Variants in DOCK3 observed in about 807,000 individuals in gnomAD.
The protein encoded by DOCK3 is dedicator of cytokinesis 3.
Under a neutral mutation model 265.6 loss-of-function variants are expected in DOCK3, and 60 were observed. The observed-to-expected ratio is 0.23, with a 90% CI of 0.18 to 0.28. DOCK3 has a LOEUF of 0.28. Among genes scored for constraint, DOCK3 ranks in the 10% least tolerant of loss-of-function variants. The probability of loss-of-function intolerance (pLI) is 1.00; values close to 1 mark genes in which losing one functional copy is unlikely to be tolerated. For synonymous variants in DOCK3, 881 were observed against 938.0 expected, an observed-to-expected ratio of 0.94 and a Z score of 1.11; for missense variants, 1,981 against 2,594.3, an observed-to-expected ratio of 0.76 and a Z score of 5.14.
chr3:50,901,238 C>A lies in DOCK3; in HGVS notation c.218+11157C>A, dbSNP rs2049176334. Among the ~76,000 whole-genome samples, 5 of 152,226 alleles carry A rather than the reference C, an allele frequency of 3.3e-5. No individual in the cohort carries two copies. In the South Asian group the frequency reaches 1.0e-3, roughly 32 times the overall value. On this transcript the variant is annotated intron_variant, in intron 4 of 52. Transcript: ENST00000266037. Reference sequence around the variant, plus strand: ...TTTGCTGAACTACAGTGGGCTCCACCCAGTTTGAACTTCCTGATGGCTTTG... The same window carrying A: ...TTTGCTGAACTACAGTGGGCTCCACACAGTTTGAACTTCCTGATGGCTTTG...
intron 23 of DOCK3, among the ~76,000 whole-genome samples, chr3:51,270,224 T>A (rs1481999341): frequency 6.6e-6 from 1 of 152,220 alleles, no homozygotes; most frequent in African/African-American, 2.4e-5. Flanking sequence ...CCCATCCTCT[T>A]GAATTTACTC....
Position 51,381,002 on chromosome 3 carries a change from GC to G in DOCK3, c.5584-46del. 6.5e-7 allele frequency: 1 copy of G among 1,531,208 alleles called. No individual in the cohort carries two copies. The highest frequency in any genetic ancestry group is 8.8e-7 in the Non-Finnish European group (1 of 1,140,204). 94.9% of individuals were successfully genotyped at this position (1,531,208 alleles called of 1,614,324 possible). A position where few individuals can be genotyped will look rare whatever the true frequency, so the allele number is the denominator to read the frequency against. On this transcript the variant is annotated intron_variant, in intron 52 of 52. Coordinates refer to ENST00000266037, the MANE Select transcript of DOCK3 (RefSeq NM_004947.5). This position sits in a 1 kb window ranked among gnomAD's most constrained non-coding sequence, Gnocchi z 5.6. ...TGGTCTTCCTATGGCGGGCAAGTCA[GC>G]CTGTCTGGAGAGAGGGATTCTAACA...
intron 4 of DOCK3, among the ~76,000 whole-genome samples, chr3:50,903,004 A>G (rs1001347627): frequency 3.9e-5 from 6 of 152,168 alleles, no homozygotes; most frequent in African/African-American, 1.4e-4. Flanking sequence ...AATGCTAGTG[A>G]TTTTTGCACT....
chr3:51,125,704 C>A (rs889644316), intron 9 of DOCK3, among the ~76,000 whole-genome samples: 4 of 151,980 alleles, frequency 2.6e-5, no homozygotes, highest in African/African-American at 9.7e-5. Context: ...TGTTACATGG[C>A]AAACTATAAA....
chr3:50,897,643 G>A (rs992421528), intron 4 of DOCK3, among the ~76,000 whole-genome samples: 4 of 151,700 alleles, frequency 2.6e-5, no homozygotes, highest in African/African-American at 9.7e-5. Context: ...ATTATTTTGA[G>A]ATACGTTCAA....
Position 51,064,470 on chromosome 3 carries a change from A to G in DOCK3, c.338A>G (p.Tyr113Cys), listed in dbSNP as rs911875870. ...CAGAAACACAAAGTAGATCTTTTCT[A>G]CAAACTACGCCATGTGATGAATGAA... is the stretch of plus-strand genomic sequence containing the variant. ...LYVKHKVDLF[Y>C]KLRHVMNELI... Residue 113 changes from tyrosine (Y) to cysteine (C), a missense_variant, in exon 6 of 53, where the codon TAC (tyrosine) becomes TGC (cysteine). By Grantham distance (194) the Tyr-to-Cys change is radical (BLOSUM62 -2). Transcript: ENST00000266037. 4 of 1,613,872 alleles carry G rather than the reference A, an allele frequency of 2.5e-6. No homozygotes were observed. The highest frequency in any genetic ancestry group is 1.3e-5 in the African/African-American group (1 of 74,934).
At chr3:51,241,800 C>G (rs1228171446) in intron 21 of DOCK3, among the ~76,000 whole-genome samples, 3 of 152,182 alleles carry the variant, frequency 2.0e-5, no homozygotes, top group Non-Finnish European at 2.9e-5. Flanking sequence ...TCTATACTAA[C>G]TATTTTGTCT....
chr3:51,339,287 C>T (rs2085080693), intron 37 of DOCK3, among the ~76,000 whole-genome samples: 1 of 152,230 alleles, frequency 6.6e-6, no homozygotes, highest in Admixed American at 6.5e-5. Context: ...TCCCTCCTAT[C>T]CACCCCTCTG....
chr3:51,260,244 C>T lies in DOCK3; in HGVS notation c.2273C>T (p.Ser758Phe), dbSNP rs1290556811. The T allele has an allele frequency of 6.2e-7, 1 of 1,613,912 alleles. No homozygotes were observed. The highest frequency in any genetic ancestry group is 8.5e-7 in the Non-Finnish European group (1 of 1,179,874). Reference sequence around the variant, plus strand: ...GGAATGGAAGAGGAACAATTCAGATCCAGTATCCAAGAACTTTTCCAGTCC... The same window carrying T: ...GGAATGGAAGAGGAACAATTCAGATTCAGTATCCAAGAACTTTTCCAGTCC... ...TCGMEEEQFR[S>F]SIQELFQSIR... is the part of the protein sequence containing the mutation. The change falls in exon 23 of 53, where the codon TCC (serine) becomes TTC (phenylalanine). Residue 758 changes from serine (S) to phenylalanine (F), a missense_variant. This residue lies in a region of DOCK3 where 1,357 missense variants were observed against 1,866.8 expected (regional missense o/e 0.73). Transcript: ENST00000266037.
intron 2 of DOCK3, among the ~76,000 whole-genome samples, chr3:50,801,118 G>T (rs1056586396): frequency 2.6e-5 from 4 of 151,886 alleles, no homozygotes; most frequent in Non-Finnish European, 5.9e-5. Context: ...TTTCTTCTCA[G>T]CAAGGCAATT....
intron 1 of DOCK3, among the ~76,000 whole-genome samples, chr3:50,714,380 A>C (rs1442937843): frequency 1.3e-5 from 2 of 152,154 alleles, no homozygotes; most frequent in Admixed American, 6.5e-5. Context: ...CAAGCTACTA[A>C]TCTGCCATAT....
chr3:50,779,359 G>C (rs2041792355), intron 2 of DOCK3, among the ~76,000 whole-genome samples: 1 of 151,918 alleles, frequency 6.6e-6, no homozygotes, highest in Non-Finnish European at 1.5e-5. Context: ...ATTAGAACAG[G>C]TCCTCAAATT....
At chr3:50,715,121 A>G (rs2037019291) in intron 1 of DOCK3, among the ~76,000 whole-genome samples, 1 of 152,258 alleles carries the variant, frequency 6.6e-6, no homozygotes, top group Non-Finnish European at 1.5e-5. Flanking sequence ...CAGACCTGGC[A>G]TCTTGCTAGA....
At chr3:50,832,652 C>A (rs1190689963) in intron 2 of DOCK3, among the ~76,000 whole-genome samples, 1 of 152,106 alleles carries the variant, frequency 6.6e-6, no homozygotes. Context: ...TTTACCTAGC[C>A]CCTATTCAAG....
chr3:50,877,950 A>G (rs2047797976), intron 3 of DOCK3, among the ~76,000 whole-genome samples: 1 of 152,174 alleles, frequency 6.6e-6, no homozygotes, highest in Admixed American at 6.5e-5. Flanking sequence ...AGGCAGCAAC[A>G]TTTGCCGTTC....
At chr3:51,016,556 TCA>T (rs2079263320) in intron 5 of DOCK3, among the ~76,000 whole-genome samples, 13 of 3,312 alleles carry the variant, frequency 3.9e-3, no homozygotes, top group East Asian at 0.083. Context: ...TTTATATATA[TCA>T]TATATTATAT....
intron 5 of DOCK3, among the ~76,000 whole-genome samples, chr3:50,944,839 A>C (rs1387907475): frequency 6.6e-6 from 1 of 152,176 alleles, no homozygotes; most frequent in South Asian, 2.1e-4. Flanking sequence ...AGGAGCCTGT[A>C]ATCCCAGCTA....
intron 9 of DOCK3, among the ~76,000 whole-genome samples, chr3:51,132,894 A>G (rs748754401): frequency 3.3e-5 from 5 of 152,148 alleles, no homozygotes; most frequent in African/African-American, 9.7e-5. Flanking sequence ...ATCCCCAGTC[A>G]TGTCAGCATC....
At chr3:51,180,207 C>CAA (rs769429969) in intron 12 of DOCK3, among the ~76,000 whole-genome samples, 1,817 of 110,766 alleles carry the variant, frequency 0.016, 53 homozygotes, top group African/African-American at 0.047. Context: ...GACCCTGTCT[C>CAA]AAAAAAAAAA....
Sources: allele counts gnomAD v4.1 joint callset (sites outside exome capture counted in the v4.1 genomes callset), GRCh38; gene constraint gnomAD v4.1.1; regional missense constraint gnomAD v4.1.1; non-coding constraint Gnocchi (gnomAD v3.1); transcripts MANE v1.5; gene names NCBI Gene and HGNC (gene_info 2026-07-23, HGNC 2026-07-21).